COL14A1: variants seen among roughly 807,000 people sequenced by gnomAD.
COL14A1 encodes the protein collagen type XIV alpha 1 chain.
Under a neutral mutation model 230.3 loss-of-function variants are expected in COL14A1, and 136 were observed. That is an observed-to-expected ratio of 0.59 (90% confidence interval 0.51 to 0.68). The LOEUF (loss-of-function observed/expected upper bound fraction) is 0.68, where lower values mean the gene tolerates loss of function less well. Ranked by LOEUF, COL14A1 falls within the 30% of genes least tolerant of loss-of-function variation. COL14A1 has a pLI of 0.00. For missense variants in COL14A1, 1,976 were observed against 2,215.8 expected, an observed-to-expected ratio of 0.89 and a Z score of 2.17; for synonymous variants, 792 against 784.1, an observed-to-expected ratio of 1.01 and a Z score of -0.17.
chr8:120,208,136 A>G (rs1189576714), intron 10 of COL14A1, 96 bp from the exon 11 acceptor site: 25 of 1,246,082 alleles, frequency 2.0e-5, no homozygotes, highest in Non-Finnish European at 2.7e-5. Flanking sequence ...AAAATATTCA[A>G]TGAAATATTT....
chr8:120,236,195 G>A (rs377522189), intron 19 of COL14A1, among the ~76,000 whole-genome samples: 1 of 152,256 alleles, frequency 6.6e-6, no homozygotes, highest in Non-Finnish European at 1.5e-5. Flanking sequence ...TCATTTATCT[G>A]TCTAATATTG....
chr8:120,234,920 T>C (rs1358543843), intron 19 of COL14A1, among the ~76,000 whole-genome samples: 1 of 152,190 alleles, frequency 6.6e-6, no homozygotes. Context: ...TTGTCAGAAA[T>C]TGGCTGTGAA....
Position 120,147,760 on chromosome 8 carries a change from T to C in COL14A1, c.-37-46T>C. The C allele has an allele frequency of 9.0e-6, 9 of 995,390 alleles. No homozygotes were observed. In the South Asian group the frequency reaches 1.3e-4, roughly 15 times the overall value. The allele number at this position is 995,390 out of a possible 1,614,324, so 61.7% of individuals were successfully genotyped here. ...CCTGTCCTAAATGATTACATATACT[T>C]TATTTTCAGCCTTCTCAAAAATGTT... On this transcript the variant is annotated intron_variant, in intron 1 of 47. Coordinates refer to ENST00000297848, the MANE Select transcript of COL14A1 (RefSeq NM_021110.4).
chr8:120,171,932 T>G (rs1338847647), intron 5 of COL14A1, among the ~76,000 whole-genome samples: 2 of 152,288 alleles, frequency 1.3e-5, no homozygotes, highest in African/African-American at 4.8e-5. Context: ...TTTAGGACAC[T>G]AGATCTCTTC....
chr8:120,257,582 T>C (rs1451251389), intron 23 of COL14A1, among the ~76,000 whole-genome samples: 1 of 152,158 alleles, frequency 6.6e-6, no homozygotes, highest in African/African-American at 2.4e-5. Flanking sequence ...GGGAATGTGT[T>C]CACCATTCTG....
At chr8:120,233,014 C>T (rs1426271839) in intron 19 of COL14A1, among the ~76,000 whole-genome samples, 1 of 152,094 alleles carries the variant, frequency 6.6e-6, no homozygotes, top group African/African-American at 2.4e-5. Context: ...TTCTAATGAC[C>T]AACGATGATG....
At chr8:120,212,132 A>C (rs1057329474) in intron 12 of COL14A1, among the ~76,000 whole-genome samples, 2 of 152,224 alleles carry the variant, frequency 1.3e-5, no homozygotes, top group African/African-American at 4.8e-5. Context: ...TTTCTGATTC[A>C]ATCCCACCCA....
chr8:120,276,019 C>T (rs1010497692), intron 26 of COL14A1, among the ~76,000 whole-genome samples: 2 of 151,756 alleles, frequency 1.3e-5, no homozygotes, highest in African/African-American at 4.8e-5. Flanking sequence ...TGTCAAAAGA[C>T]ACCAGTAAAC....
intron 36 of COL14A1, among the ~76,000 whole-genome samples, chr8:120,305,214 A>G (rs1042172945): frequency 4.6e-5 from 7 of 152,124 alleles, no homozygotes; most frequent in African/African-American, 1.7e-4. Context: ...TCCTAACCTA[A>G]GGTGATCTGC....
At chr8:120,228,584 A>G in intron 17 of COL14A1, 126 bp from the exon 18 acceptor site, 1 of 698,212 alleles carries the variant, frequency 1.4e-6, no homozygotes, top group Non-Finnish European at 2.6e-6. Context: ...TCTTCTAACC[A>G]TTGTCATGTT....
chr8:120,331,839 A>G (rs1335942585), intron 40 of COL14A1, among the ~76,000 whole-genome samples: 1 of 152,204 alleles, frequency 6.6e-6, no homozygotes, highest in African/African-American at 2.4e-5. Context: ...CCAATAATGG[A>G]TCCTCTTTCC....
intron 9 of COL14A1, among the ~76,000 whole-genome samples, chr8:120,204,965 A>G (rs970223287): frequency 6.6e-6 from 1 of 152,036 alleles, no homozygotes; most frequent in African/African-American, 2.4e-5. Flanking sequence ...TCTCTTCTCT[A>G]CTTGACCTCT....
chr8:120,311,533 G>A (rs1821036604), intron 37 of COL14A1, among the ~76,000 whole-genome samples: 1 of 152,170 alleles, frequency 6.6e-6, no homozygotes, highest in Non-Finnish European at 1.5e-5. Context: ...AGATCCAAGT[G>A]AGTAGTGGTT....
intron 2 of COL14A1, among the ~76,000 whole-genome samples, chr8:120,153,558 G>C (rs1002415298): frequency 6.6e-6 from 1 of 152,136 alleles, no homozygotes; most frequent in Non-Finnish European, 1.5e-5. Flanking sequence ...CTGTTTAAAA[G>C]TCTTTTAAAA....
At chr8:120,289,539 A>G in intron 33 of COL14A1, 69 bp from the exon 34 acceptor site, 1 of 1,338,248 alleles carries the variant, frequency 7.5e-7, no homozygotes, top group South Asian at 1.3e-5. Flanking sequence ...GATGAATCAT[A>G]CAATTATACA....
In COL14A1 at chr8:120,156,173, TC is replaced by T. The variant is rs918252882; in HGVS notation, c.89-1956del. Among the ~76,000 whole-genome samples the T allele has an allele frequency of 4.2e-4, 24 of 57,582 alleles. 1 individual carries two copies. Among genetic ancestry groups the T allele is most frequent in the African/African-American group, 2.0e-3 (22 of 11,092 alleles). The allele number at this position is 57,582 out of a possible 152,430, so 37.8% of individuals were successfully genotyped here. A position where few individuals can be genotyped will look rare whatever the true frequency, so the allele number is the denominator to read the frequency against. ...TCATCTAGCTCAATGAAGGGTGACT[TC>T]TTTTTTTTTTTGAGATGGAGTCTCT... On this transcript the variant is annotated intron_variant, in intron 2 of 47. Transcript: ENST00000297848.
chr8:120,221,531 TC>T (rs1817932539), intron 14 of COL14A1, among the ~76,000 whole-genome samples: 1 of 149,216 alleles, frequency 6.7e-6, no homozygotes, highest in South Asian at 2.1e-4. Context: ...ATAAACAATA[TC>T]CTTTTTAACA....
Position 120,262,906 on chromosome 8 carries a change from A to T in COL14A1, c.2908A>T (p.Thr970Ser), listed in dbSNP as rs770200929. ...KQESTVGGGT[T>S]RHCFYGLQPD... Reference sequence around the variant, plus strand: ...AGAATCCACTGTGGGTGGAGGGACAACCAGGCATTGCTTCTATGGACTTCA... The same window carrying T: ...AGAATCCACTGTGGGTGGAGGGACATCCAGGCATTGCTTCTATGGACTTCA... The change falls in exon 24 of 48, where the codon ACC becomes TCC. Residue 970 changes from threonine to serine, a missense_variant. This residue lies in a region of COL14A1 where 1,791 missense variants were observed against 2,019.5 expected (regional missense o/e 0.89). Transcript: ENST00000297848. 6.2e-7 allele frequency: 1 copy of T among 1,613,664 alleles called. No homozygotes were observed. Among genetic ancestry groups the T allele is most frequent in the Non-Finnish European group, 8.5e-7 (1 of 1,179,846 alleles).
rs532243192 is a variant in COL14A1, at chr8:120,222,375, G to A, written c.1738-2713G>A. 2.6e-5 allele frequency among the ~76,000 whole-genome samples: 4 copies of A among 152,334 alleles called. No homozygotes were observed. In the East Asian group the frequency reaches 7.7e-4, roughly 29 times the overall value. The stretch of plus-strand genomic sequence containing the variant: ...CTACAGCTTAAAATACAGCCTAGGA[G>A]CATGCAGCTTGGGCAGAACTCAGCA... On this transcript the variant is annotated intron_variant, in intron 14 of 47. Coordinates refer to ENST00000297848, the MANE Select transcript of COL14A1 (RefSeq NM_021110.4).
Sources: gnomAD v4.1 joint callset for allele counts (sites outside exome capture counted in the v4.1 genomes callset) on GRCh38, gnomAD v4.1.1 for gene constraint, gnomAD v4.1.1 regional missense constraint, MANE v1.5 for transcripts, NCBI Gene and HGNC (gene_info 2026-07-23, HGNC 2026-07-21) for gene names.